GPM6A: variants seen among roughly 807,000 people sequenced by gnomAD.
GPM6A encodes the protein glycoprotein M6A.
In GPM6A, 7 loss-of-function variants were observed where a neutral mutation model predicts 32.1. The observed-to-expected ratio is 0.22, with a 90% CI of 0.12 to 0.41. The LOEUF (loss-of-function observed/expected upper bound fraction) is 0.41, where lower values mean the gene tolerates loss of function less well. Ranked by LOEUF, GPM6A falls within the 10% of genes least tolerant of loss-of-function variation. The pLI is 1.00. For synonymous variants in GPM6A, 130 were observed against 123.4 expected, an observed-to-expected ratio of 1.05 and a Z score of -0.35; for missense variants, 235 against 347.2, an observed-to-expected ratio of 0.68 and a Z score of 2.57.
chr4:175,851,107 C>T (rs551272940), intron 1 of GPM6A, among the ~76,000 whole-genome samples: 1 of 152,202 alleles, frequency 6.6e-6, no homozygotes, highest in African/African-American at 2.4e-5. Context: ...GCCTGTAATC[C>T]CAGCACTTTG....
intron 1 of GPM6A, among the ~76,000 whole-genome samples, chr4:175,853,113 A>ATTGC (rs1312768280): frequency 6.6e-6 from 1 of 152,214 alleles, no homozygotes; most frequent in East Asian, 1.9e-4. Context: ...GTTACAACTG[A>ATTGC]TTGCCTCATT....
chr4:175,648,609 C>T (rs1030096416), intron 4 of GPM6A, among the ~76,000 whole-genome samples: 1 of 152,188 alleles, frequency 6.6e-6, no homozygotes, highest in Non-Finnish European at 1.5e-5. Flanking sequence ...AAAGCTAAAA[C>T]CAAAAGGTCA....
At chr4:175,839,869 CTAA>C (rs533606388) in intron 1 of GPM6A, among the ~76,000 whole-genome samples, 74 of 152,160 alleles carry the variant, frequency 4.9e-4, no homozygotes, top group African/African-American at 1.6e-3. Flanking sequence ...GAGATCCTAG[CTAA>C]TAATATTACT....
At chr4:175,654,828 G>T (rs186591869) in intron 3 of GPM6A, among the ~76,000 whole-genome samples, 139 of 152,196 alleles carry the variant, frequency 9.1e-4, no homozygotes, top group African/African-American at 3.2e-3. Context: ...TGATATGGCA[G>T]CCTGAAGCAC....
At chr4:175,708,423 T>C (rs1745335229) in intron 1 of GPM6A, among the ~76,000 whole-genome samples, 1 of 151,604 alleles carries the variant, frequency 6.6e-6, no homozygotes, top group Non-Finnish European at 1.5e-5. Context: ...TTCGCTCTTG[T>C]TGCCCAGGCT....
intron 1 of GPM6A, among the ~76,000 whole-genome samples, chr4:175,830,820 TC>T (rs1735587422): frequency 6.6e-6 from 1 of 152,136 alleles, no homozygotes; most frequent in South Asian, 2.1e-4. Context: ...GTTTTTTTTT[TC>T]ATATTGATTT....
intron 1 of GPM6A, among the ~76,000 whole-genome samples, chr4:175,820,796 G>T (rs1258717999): frequency 1.3e-5 from 2 of 152,050 alleles, no homozygotes; most frequent in African/African-American, 4.8e-5. Flanking sequence ...ACCACACCCG[G>T]CCTGTTTTGT....
chr4:175,637,665 AAT>A (rs1161373497), intron 6 of GPM6A, among the ~76,000 whole-genome samples: 32 of 16,696 alleles, frequency 1.9e-3, no homozygotes, highest in South Asian at 0.012. Context: ...TAAAATATAT[AAT>A]ATATATAATA....
intron 1 of GPM6A, among the ~76,000 whole-genome samples, chr4:175,743,956 G>A (rs4538425): frequency 0.22 from 32,688 of 147,438 alleles, 3,836 homozygotes; most frequent in East Asian, 0.26. Flanking sequence ...ATATCTAATA[G>A]GACAAAAAAA....
chr4:175,791,299 C>T (rs1159335199), intron 1 of GPM6A, among the ~76,000 whole-genome samples: 1 of 152,150 alleles, frequency 6.6e-6, no homozygotes, highest in Non-Finnish European at 1.5e-5. Context: ...TTACATTACT[C>T]TTGAAGATAT....
intron 6 of GPM6A, among the ~76,000 whole-genome samples, chr4:175,636,275 T>TATATATATATATAC (rs1740592875): frequency 8.1e-6 from 1 of 123,058 alleles, no homozygotes; most frequent in South Asian, 2.4e-4. Flanking sequence ...TATATATATA[T>TATATATATATATAC]ATATATATAT....
At chr4:175,812,382 A>T, upstream of GPM6A, 1 of 1,336,252 alleles carries the variant, frequency 7.5e-7, no homozygotes, top group Non-Finnish European at 9.4e-7. Flanking sequence ...AAGTCCTCAG[A>T]GCTTAGCTCA....
At chr4:175,948,682 A>G (rs917114222) in intron 1 of GPM6A, among the ~76,000 whole-genome samples, 6 of 152,254 alleles carry the variant, frequency 3.9e-5, no homozygotes, top group African/African-American at 1.2e-4. Context: ...CCACATAAGA[A>G]ATCAGAAAAT....
chr4:175,705,005 G>T (rs1745096490), intron 1 of GPM6A, among the ~76,000 whole-genome samples: 1 of 152,146 alleles, frequency 6.6e-6, no homozygotes, highest in Non-Finnish European at 1.5e-5. Flanking sequence ...TTAATTCAGG[G>T]TCGGTTTCAC....
intron 3 of GPM6A, among the ~76,000 whole-genome samples, chr4:175,660,683 G>A (rs1026549115): frequency 3.9e-5 from 6 of 152,258 alleles, no homozygotes; most frequent in Non-Finnish European, 8.8e-5. Context: ...AACCACGGGT[G>A]AGCTAAAACT....
intron 1 of GPM6A, among the ~76,000 whole-genome samples, chr4:175,968,444 A>G (rs1740397434): frequency 1.3e-5 from 2 of 152,226 alleles, no homozygotes; most frequent in African/African-American, 4.8e-5. Flanking sequence ...ATTAAAATTA[A>G]TCATTGCTGC....
At chr4:175,831,880 G>A (rs939371448) in intron 1 of GPM6A, among the ~76,000 whole-genome samples, 1 of 151,478 alleles carries the variant, frequency 6.6e-6, no homozygotes, top group African/African-American at 2.4e-5. Flanking sequence ...CACCACACCC[G>A]GCTAATTTTT....
chr4:175,875,683 A>T (rs1391835813), intron 1 of GPM6A, among the ~76,000 whole-genome samples: 1 of 152,206 alleles, frequency 6.6e-6, no homozygotes, highest in Non-Finnish European at 1.5e-5. Context: ...CTCATATGCC[A>T]ACTAAACATG....
At chr4:175,764,966 C>T (rs934722348) in intron 1 of GPM6A, among the ~76,000 whole-genome samples, 41 of 151,684 alleles carry the variant, frequency 2.7e-4, no homozygotes, top group Non-Finnish European at 2.1e-4. Context: ...CTCTGCCTCC[C>T]GGGTTCAAGT....
Sources: allele counts gnomAD v4.1 joint callset (sites outside exome capture counted in the v4.1 genomes callset), GRCh38; gene constraint gnomAD v4.1.1; transcripts MANE v1.5; gene names NCBI Gene and HGNC (gene_info 2026-07-23, HGNC 2026-07-21).